COP1: variants seen among roughly 807,000 people sequenced by gnomAD.
The protein encoded by COP1 is COP1 E3 ubiquitin ligase.
Under a neutral mutation model 101.3 loss-of-function variants are expected in COP1, and 24 were observed. The ratio of observed to expected loss-of-function variants is 0.24; its 90% CI spans 0.17 to 0.33. COP1 has a LOEUF of 0.33. Ranked by LOEUF, COP1 falls within the 10% of genes least tolerant of loss-of-function variation. COP1 has a pLI of 1.00. For missense variants in COP1, 663 were observed against 906.2 expected (o/e 0.73, Z 3.45); for synonymous variants, 347 against 341.9 (o/e 1.01, Z -0.17).
intron 13 of COP1, 97 bp from the exon 14 acceptor site, chr1:176,043,364 G>T: frequency 1.4e-6 from 1 of 721,626 alleles, no homozygotes; most frequent in Non-Finnish European, 2.3e-6. Context: ...TTATTGTTAC[G>T]GGGAGAGGGA....
intron 18 of COP1, among the ~76,000 whole-genome samples, chr1:175,983,637 T>C (rs1007004815): frequency 1.3e-5 from 2 of 151,976 alleles, no homozygotes; most frequent in African/African-American, 2.4e-5. Flanking sequence ...CAGGCAGAGG[T>C]TGGAACAGTT....
chr1:176,170,520 G>A (rs2481660), intron 3 of COP1, among the ~76,000 whole-genome samples: 131,422 of 152,210 alleles, frequency 0.86, 58,817 homozygotes, highest in Non-Finnish European at 0.98. Context: ...ATGAGCAGTA[G>A]TATTTTGAAA....
At chr1:176,152,510 C>T (rs905627017) in intron 5 of COP1, among the ~76,000 whole-genome samples, 3 of 151,722 alleles carry the variant, frequency 2.0e-5, no homozygotes, top group Admixed American at 6.6e-5. Context: ...TACAGTAGCA[C>T]GATCTCAGCT....
chr1:175,996,779 C>T (rs1660258200), intron 15 of COP1, among the ~76,000 whole-genome samples: 2 of 152,256 alleles, frequency 1.3e-5, no homozygotes, highest in Admixed American at 6.5e-5. Context: ...ACATTCCATG[C>T]TCATGGGTAG....
intron 9 of COP1, among the ~76,000 whole-genome samples, chr1:176,107,829 A>G (rs1443625259): frequency 1.3e-5 from 2 of 152,210 alleles, no homozygotes; most frequent in Non-Finnish European, 2.9e-5. Context: ...TAGGACTACT[A>G]TAGTATTCCT....
intron 15 of COP1, among the ~76,000 whole-genome samples, chr1:176,007,290 T>C (rs933206861): frequency 1.3e-5 from 2 of 152,174 alleles, no homozygotes; most frequent in African/African-American, 4.8e-5. Context: ...TTGGTTTGCA[T>C]GTCCTCCCGT....
intron 5 of COP1, among the ~76,000 whole-genome samples, chr1:176,157,987 TA>T (rs1693723831): frequency 1.3e-5 from 2 of 151,744 alleles, no homozygotes; most frequent in African/African-American, 4.8e-5. Flanking sequence ...AGAGGGGACA[TA>T]AAAATATTTG....
At chr1:176,175,832 T>A in intron 3 of COP1, 78 bp downstream of exon 3, 2 of 770,602 alleles carry the variant, frequency 2.6e-6, no homozygotes, top group Non-Finnish European at 4.4e-6. Context: ...TAAGGTAGGT[T>A]TTCTGAATAA....
chr1:176,004,116 G>A (rs2148889336), intron 15 of COP1, among the ~76,000 whole-genome samples: 1 of 150,970 alleles, frequency 6.6e-6, no homozygotes, highest in East Asian at 2.0e-4. Flanking sequence ...TGAAGCAATT[G>A]TGAATGGGAG....
chr1:176,100,986 T>C (rs1405642118), intron 9 of COP1, among the ~76,000 whole-genome samples: 2 of 152,146 alleles, frequency 1.3e-5, no homozygotes, highest in African/African-American at 4.8e-5. Flanking sequence ...AGGCACAGCA[T>C]AGGTTAGTGT....
intron 15 of COP1, among the ~76,000 whole-genome samples, chr1:176,003,316 T>C (rs1431720033): frequency 9.2e-5 from 14 of 152,200 alleles, no homozygotes; most frequent in Non-Finnish European, 1.9e-4. Flanking sequence ...TTCACTCTGA[T>C]GGTAGTTTCT....
At chr1:176,134,752 ATTACT>A (rs1423938959) in intron 8 of COP1, among the ~76,000 whole-genome samples, 4 of 152,066 alleles carry the variant, frequency 2.6e-5, no homozygotes, top group African/African-American at 9.7e-5. Flanking sequence ...TAAAGCTATC[ATTACT>A]TTAAGAAATT....
At chr1:176,038,471 T>C (rs191433379) in intron 14 of COP1, among the ~76,000 whole-genome samples, 2 of 152,318 alleles carry the variant, frequency 1.3e-5, no homozygotes, top group African/African-American at 2.4e-5. Flanking sequence ...AAGGACTTAC[T>C]ACTTGATTTC....
chr1:176,027,446 T>G, intron 15 of COP1, 126 bp downstream of exon 15: 2 of 681,044 alleles, frequency 2.9e-6, no homozygotes, highest in South Asian at 3.5e-5. Flanking sequence ...TACTTCTAAT[T>G]TAGAGCCTAA....
intron 18 of COP1, among the ~76,000 whole-genome samples, chr1:175,976,270 C>CTTTTTTT (rs10694480): frequency 0.014 from 822 of 56,832 alleles, 220 homozygotes; most frequent in African/African-American, 0.032. Context: ...ATTAGTCATT[C>CTTTTTTT]TTTTTTTTTT....
chr1:176,057,588 C>T (rs1673816784), intron 11 of COP1, among the ~76,000 whole-genome samples: 1 of 152,202 alleles, frequency 6.6e-6, no homozygotes, highest in African/African-American at 2.4e-5. Flanking sequence ...CCGCCAGCCT[C>T]GGCCTCCCGA....
chr1:176,085,730 T>C (rs1461981946), intron 10 of COP1, 46 bp downstream of exon 10: 1 of 1,156,722 alleles, frequency 8.6e-7, no homozygotes, highest in Admixed American at 2.0e-5. Flanking sequence ...TAGAAACAGA[T>C]CTGAAATGTA....
At position 175,983,652 on chromosome 1, in the gene COP1, G is replaced by A. The variant is rs576856498; in HGVS notation, c.2133+3291C>T. Among the ~76,000 whole-genome samples, 452 of 152,278 alleles carry A rather than the reference G, an allele frequency of 3.0e-3. 1 individual carries two copies. The highest frequency in any genetic ancestry group is 4.8e-3 in the Non-Finnish European group (328 of 68,022). ...CAGGCAGAGGTTGGAACAGTTTAGA[G>A]GGTTCAGAAGACAGGAAAATGTGGG... On this transcript the variant is annotated intron_variant, in intron 18 of 19. Transcript: ENST00000367669.
intron 1 of COP1, among the ~76,000 whole-genome samples, chr1:176,194,408 G>A (rs1328136339): frequency 6.6e-6 from 1 of 152,166 alleles, no homozygotes; most frequent in African/African-American, 2.4e-5. Context: ...GGGAGGCCGA[G>A]GCAGGCGGAT....
Sources: allele counts gnomAD v4.1 joint callset (sites outside exome capture counted in the v4.1 genomes callset), GRCh38; gene constraint gnomAD v4.1.1; transcripts MANE v1.5; gene names NCBI Gene and HGNC (gene_info 2026-07-23, HGNC 2026-07-21).